The following SPIDR variants were observed in gnomAD, a reference collection of about 807,000 sequenced individuals.
The protein encoded by SPIDR is DNA repair-scaffolding protein.
In SPIDR, 93 loss-of-function variants were observed where a neutral mutation model predicts 104.6. The ratio of observed to expected loss-of-function variants is 0.89; its 90% confidence interval spans 0.75 to 1.06. SPIDR has a LOEUF of 1.06. SPIDR is among the 50% of genes least tolerant of loss of function. The pLI is 0.00. For synonymous variants in SPIDR, 431 were observed against 416.9 expected (o/e 1.03, Z -0.41); for missense variants, 1,154 against 1,111.2 (o/e 1.04, Z -0.55).
intron 10 of SPIDR, among the ~76,000 whole-genome samples, chr8:47,630,982 C>T (rs1345643776): frequency 1.3e-5 from 2 of 152,090 alleles, no homozygotes; most frequent in Non-Finnish European, 2.9e-5. Flanking sequence ...ACTGTGAGAA[C>T]AAGAACTCAA....
At chr8:47,396,735 T>C in intron 6 of SPIDR, 109 bp downstream of exon 6, 2 of 1,144,470 alleles carry the variant, frequency 1.7e-6, no homozygotes, top group East Asian at 2.6e-5. Context: ...TCCTAAATTC[T>C]GGAGCTGATT....
chr8:47,449,162 AG>A (rs2055819042), intron 8 of SPIDR, among the ~76,000 whole-genome samples: 1 of 152,188 alleles, frequency 6.6e-6, no homozygotes. Context: ...TAGAGGCAAC[AG>A]GGTTTGCTGA....
chr8:47,516,659 T>TA (rs2083205079), intron 8 of SPIDR, among the ~76,000 whole-genome samples: 1 of 152,246 alleles, frequency 6.6e-6, no homozygotes, highest in African/African-American at 2.4e-5. Context: ...ACATTTTTTT[T>TA]ATCCATTCAT....
At chr8:47,350,631 G>A (rs2053313056) in intron 5 of SPIDR, among the ~76,000 whole-genome samples, 1 of 152,154 alleles carries the variant, frequency 6.6e-6, no homozygotes, top group Admixed American at 6.5e-5. Flanking sequence ...TTAAATAAAG[G>A]AGCAAATGTA....
At chr8:47,637,037 A>C (rs1317910335) in intron 10 of SPIDR, among the ~76,000 whole-genome samples, 1 of 152,108 alleles carries the variant, frequency 6.6e-6, no homozygotes, top group Non-Finnish European at 1.5e-5. Flanking sequence ...TCCAACACAA[A>C]TATATTCTAC....
intron 11 of SPIDR, among the ~76,000 whole-genome samples, chr8:47,698,269 G>A (rs2079640620): frequency 6.6e-6 from 1 of 152,200 alleles, no homozygotes; most frequent in African/African-American, 2.4e-5. Context: ...TTAAAAGAAT[G>A]TTTCCTGTGT....
At chr8:47,522,239 T>C (rs1346358504) in intron 8 of SPIDR, among the ~76,000 whole-genome samples, 1 of 151,292 alleles carries the variant, frequency 6.6e-6, no homozygotes, top group African/African-American at 2.4e-5. Context: ...ACTGTGATAC[T>C]GAAGGGGTCA....
chr8:47,344,579 T>C (rs1393230557), intron 5 of SPIDR, among the ~76,000 whole-genome samples: 1 of 152,194 alleles, frequency 6.6e-6, no homozygotes. Flanking sequence ...GTTTACAGTC[T>C]CACCAACGGT....
chr8:47,411,652 A>C (rs1427545769), intron 7 of SPIDR, among the ~76,000 whole-genome samples: 4 of 152,066 alleles, frequency 2.6e-5, no homozygotes, highest in Admixed American at 6.6e-5. Context: ...GAAGCTCTTT[A>C]GTTTAATTAG....
intron 5 of SPIDR, among the ~76,000 whole-genome samples, chr8:47,301,590 TC>T (rs1245976341): frequency 1.3e-5 from 2 of 148,464 alleles, no homozygotes; most frequent in Non-Finnish European, 3.0e-5. Flanking sequence ...TACTGGTTGT[TC>T]CTTTCCATGT....
At chr8:47,490,627 A>G (rs2078533071) in intron 8 of SPIDR, among the ~76,000 whole-genome samples, 1 of 152,244 alleles carries the variant, frequency 6.6e-6, no homozygotes, top group Admixed American at 6.5e-5. Flanking sequence ...CTGGATTAAG[A>G]AAATGTGGCA....
intron 16 of SPIDR, among the ~76,000 whole-genome samples, chr8:47,714,053 G>GC (rs1313248357): frequency 6.6e-6 from 1 of 152,134 alleles, no homozygotes; most frequent in Non-Finnish European, 1.5e-5. Flanking sequence ...AAGTTGGTGA[G>GC]CAGGGGTGTC....
At chr8:47,504,103 A>G (rs980217760) in intron 8 of SPIDR, among the ~76,000 whole-genome samples, 1 of 152,120 alleles carries the variant, frequency 6.6e-6, no homozygotes, top group East Asian at 1.9e-4. Context: ...GAATCTGACA[A>G]TTATGTGTCT....
At chr8:47,477,448 G>A (rs1195161480) in intron 8 of SPIDR, among the ~76,000 whole-genome samples, 1 of 152,130 alleles carries the variant, frequency 6.6e-6, no homozygotes, top group Non-Finnish European at 1.5e-5. Flanking sequence ...TGCCTGCCTT[G>A]GCCTCCCAAA....
At chr8:47,711,326 G>GT (rs2081857305) in intron 14 of SPIDR, among the ~76,000 whole-genome samples, 1 of 152,094 alleles carries the variant, frequency 6.6e-6, no homozygotes, top group Non-Finnish European at 1.5e-5. Flanking sequence ...TGGCTTTTTG[G>GT]TTTTGGGGTT....
At chr8:47,490,741 C>T (rs1273560297) in intron 8 of SPIDR, among the ~76,000 whole-genome samples, 2 of 152,090 alleles carry the variant, frequency 1.3e-5, no homozygotes, top group South Asian at 2.1e-4. Context: ...CAAACTATCG[C>T]AAGGACAAAA....
chr8:47,410,346 A>G (rs1225479970), intron 7 of SPIDR, among the ~76,000 whole-genome samples: 1 of 151,646 alleles, frequency 6.6e-6, no homozygotes, highest in Admixed American at 6.6e-5. Context: ...ACGCCTGGCT[A>G]ATTTTTGTAT....
At chr8:47,721,895 C>T (rs2083452907) in intron 16 of SPIDR, among the ~76,000 whole-genome samples, 1 of 152,066 alleles carries the variant, frequency 6.6e-6, no homozygotes, top group Non-Finnish European at 1.5e-5. Flanking sequence ...ACTTTAGAAT[C>T]AGTTTGTTGA....
intron 11 of SPIDR, 73 bp from the exon 12 acceptor site, chr8:47,700,330 T>C: frequency 1.4e-6 from 2 of 1,475,404 alleles, no homozygotes; most frequent in East Asian, 4.5e-5. Flanking sequence ...TGTTAAGCAT[T>C]CTACCAGCTC....
Sources: gnomAD v4.1 joint callset for allele counts (sites outside exome capture counted in the v4.1 genomes callset) on GRCh38, gnomAD v4.1.1 for gene constraint, MANE v1.5 for transcripts, NCBI Gene and HGNC (gene_info 2026-07-23, HGNC 2026-07-21) for gene names.